Variants in SGMS2 observed in about 807,000 individuals in gnomAD.
The protein encoded by SGMS2 is sphingomyelin synthase 2.
Under a neutral mutation model 43.8 loss-of-function variants are expected in SGMS2, and 21 were observed. The observed-to-expected ratio is 0.48, with a 90% confidence interval of 0.34 to 0.69. The LOEUF (loss-of-function observed/expected upper bound fraction) is 0.69. SGMS2 is among the 30% of genes least tolerant of loss of function. The pLI, the probability that SGMS2 is intolerant of heterozygous loss-of-function variation, is 0.01. For synonymous variants in SGMS2, 167 were observed against 160.6 expected (o/e 1.04, Z -0.30); for missense variants, 384 against 443.2 (o/e 0.87, Z 1.20).
In SGMS2 at chr4:107,914,992, A is replaced by C. The variant is rs1216163202; in HGVS notation, c.*4439A>C. 6.6e-6 allele frequency: 1 copy of C among 152,192 alleles called. No homozygotes were observed. The highest frequency in any genetic ancestry group is 1.5e-5 in the Non-Finnish European group (1 of 68,028). The allele number at this position is 152,192 out of a possible 1,614,324, so 9.4% of individuals were successfully genotyped here. On this transcript the variant is annotated 3_prime_UTR_variant, in exon 7 of 7. Coordinates refer to ENST00000690982, the MANE Select transcript of SGMS2 (RefSeq NM_001375905.1). ...TGCTTTTTAAAAAATGCAAGAGCCT[A>C]TACTTTGTATTTACCTAATAAACCA...
chr4:107,893,379 T>C (rs911246836), intron 2 of SGMS2: 7 of 152,200 alleles, frequency 4.6e-5, no homozygotes, highest in Non-Finnish European at 1.0e-4. Context: ...TTTGGCAAGA[T>C]GCTGTAAGTG....
At chr4:107,847,589 C>T (rs901945121) in intron 1 of SGMS2, among the ~76,000 whole-genome samples, 11 of 152,054 alleles carry the variant, frequency 7.2e-5, no homozygotes, top group East Asian at 3.9e-4. Flanking sequence ...ATTGACTTGG[C>T]GATGCGGGCT....
At chr4:107,843,676 G>C (rs569826345) in intron 1 of SGMS2, among the ~76,000 whole-genome samples, 1 of 152,310 alleles carries the variant, frequency 6.6e-6, no homozygotes, top group African/African-American at 2.4e-5. Context: ...TTGTGCAACA[G>C]AGTGCTGTGT....
intron 2 of SGMS2, among the ~76,000 whole-genome samples, chr4:107,875,839 C>T (rs1000238900): frequency 2.0e-5 from 3 of 151,910 alleles, no homozygotes; most frequent in African/African-American, 7.3e-5. Context: ...GTGTTGTCTC[C>T]CTTTCTCTAT....
At chr4:107,907,590 G>A (rs539078605) in intron 5 of SGMS2, among the ~76,000 whole-genome samples, 80 of 152,252 alleles carry the variant, frequency 5.3e-4, no homozygotes, top group Non-Finnish European at 5.9e-4. Context: ...CAGCATGGGC[G>A]ACAAGAGCGA....
At chr4:107,829,053 G>A (rs1481665014) in intron 1 of SGMS2, among the ~76,000 whole-genome samples, 1 of 152,204 alleles carries the variant, frequency 6.6e-6, no homozygotes, top group Non-Finnish European at 1.5e-5. Context: ...ACACTTTGAT[G>A]AAGCATTAGA....
intron 2 of SGMS2, among the ~76,000 whole-genome samples, chr4:107,869,003 G>T (rs549660140): frequency 6.6e-6 from 1 of 152,286 alleles, no homozygotes; most frequent in East Asian, 1.9e-4. Context: ...AATTGTGCAT[G>T]AATATAGGTC....
chr4:107,870,572 A>G (rs567014381), intron 2 of SGMS2, among the ~76,000 whole-genome samples: 2 of 152,206 alleles, frequency 1.3e-5, no homozygotes, highest in African/African-American at 4.8e-5. Context: ...CCATTAACCC[A>G]TAATCACTTT....
chr4:107,872,181 T>C (rs1179031742), intron 2 of SGMS2, among the ~76,000 whole-genome samples: 1 of 152,204 alleles, frequency 6.6e-6, no homozygotes, highest in Non-Finnish European at 1.5e-5. Flanking sequence ...GGAACATAGA[T>C]GTTCCTGATG....
Position 107,912,453 on chromosome 4 carries a change from A to G in SGMS2, c.*1900A>G, listed in dbSNP as rs1166055397. The G allele has an allele frequency of 1.3e-5, 2 of 152,190 alleles. No individual in the cohort carries two copies. The highest frequency in any genetic ancestry group is 2.4e-5 in the African/African-American group (1 of 41,448). The allele number at this position is 152,190 out of a possible 1,614,324, so 9.4% of individuals were successfully genotyped here. ...GTTCGCTTATATTCATTTATTAACT[A>G]GCAACACTTGTGCAAGAACAAGGTA... is the stretch of plus-strand genomic sequence containing the variant. On this transcript the variant is annotated 3_prime_UTR_variant, in exon 7 of 7. Coordinates refer to ENST00000690982, the MANE Select transcript of SGMS2 (RefSeq NM_001375905.1).
chr4:107,883,404 TC>T (rs1386035383), intron 2 of SGMS2, among the ~76,000 whole-genome samples: 1 of 152,204 alleles, frequency 6.6e-6, no homozygotes, highest in African/African-American at 2.4e-5. Flanking sequence ...AACCTCTGCC[TC>T]CCAGGTTGGA....
intron 1 of SGMS2, among the ~76,000 whole-genome samples, chr4:107,836,531 A>G (rs1294959231): frequency 1.3e-5 from 2 of 152,160 alleles, no homozygotes; most frequent in Non-Finnish European, 2.9e-5. Flanking sequence ...ATTCATGAGT[A>G]TGGGAAAGAT....
intron 1 of SGMS2, among the ~76,000 whole-genome samples, chr4:107,838,913 T>C (rs1461581230): frequency 3.9e-5 from 6 of 152,216 alleles, no homozygotes; most frequent in Non-Finnish European, 8.8e-5. Context: ...CTGTAGCCAC[T>C]GCCTTGCCTG....
intron 2 of SGMS2, among the ~76,000 whole-genome samples, chr4:107,859,924 T>C (rs535389822): frequency 3.3e-5 from 5 of 152,182 alleles, no homozygotes; most frequent in Non-Finnish European, 5.9e-5. Flanking sequence ...GGTGCTAGGT[T>C]GATATAACTT....
chr4:107,897,460 A>G (rs1360262104), intron 3 of SGMS2, among the ~76,000 whole-genome samples: 1 of 152,244 alleles, frequency 6.6e-6, no homozygotes, highest in Non-Finnish European at 1.5e-5. Context: ...AAGGCGGCAG[A>G]TAATTTGCTT....
intron 1 of SGMS2, among the ~76,000 whole-genome samples, chr4:107,854,125 A>G (rs1727296822): frequency 6.6e-6 from 1 of 152,242 alleles, no homozygotes; most frequent in South Asian, 2.1e-4. Flanking sequence ...CTTAAGAACA[A>G]CATGCTTTGC....
intron 1 of SGMS2, among the ~76,000 whole-genome samples, chr4:107,851,950 G>T (rs1727168800): frequency 6.6e-6 from 1 of 152,086 alleles, no homozygotes; most frequent in South Asian, 2.1e-4. Flanking sequence ...AAACTTTTAA[G>T]ATTCCAGACT....
intron 2 of SGMS2, chr4:107,866,773 AG>A (rs1465195570): frequency 6.6e-6 from 1 of 152,112 alleles, no homozygotes; most frequent in Non-Finnish European, 1.5e-5. Context: ...TTCTTTGGTG[AG>A]GTCACTAACA....
At chr4:107,842,042 G>T (rs1726544401) in intron 1 of SGMS2, among the ~76,000 whole-genome samples, 1 of 152,100 alleles carries the variant, frequency 6.6e-6, no homozygotes. Flanking sequence ...TAGATGGCTT[G>T]TTAAGGGTAG....
Sources: allele counts gnomAD v4.1 joint callset (sites outside exome capture counted in the v4.1 genomes callset), GRCh38; gene constraint gnomAD v4.1.1; transcripts MANE v1.5; gene names NCBI Gene and HGNC (gene_info 2026-07-23, HGNC 2026-07-21).